Variants in MS4A14 observed in about 807,000 individuals in gnomAD.
MS4A14 encodes membrane spanning 4-domains A14.
MS4A14 carries 18 observed loss-of-function variants against 16.7 expected under a neutral mutation model. The observed-to-expected ratio is 1.08, with a 90% CI of 0.75 to 1.60. The LOEUF (loss-of-function observed/expected upper bound fraction) is 1.60, where lower values mean the gene tolerates loss of function less well. MS4A14 is among the 40% of genes most tolerant of loss of function. The pLI is 0.00. For synonymous variants in MS4A14, 305 were observed against 289.4 expected, an observed-to-expected ratio of 1.05 and a Z score of -0.55; for missense variants, 812 against 775.3, an observed-to-expected ratio of 1.05 and a Z score of -0.56.
intron 3 of MS4A14, among the ~76,000 whole-genome samples, chr11:60,402,022 C>G (rs1251783075): frequency 6.6e-6 from 1 of 152,102 alleles, no homozygotes; most frequent in Non-Finnish European, 1.5e-5. Flanking sequence ...AATAAAGGTA[C>G]AGCAAATACC....
chr11:60,407,559 G>A (rs996886614), intron 4 of MS4A14, among the ~76,000 whole-genome samples: 18 of 152,066 alleles, frequency 1.2e-4, no homozygotes, highest in Non-Finnish European at 2.6e-4. Context: ...TGTGTGAGAG[G>A]GACAGTTGCT....
At chr11:60,396,812 G>A (rs2085630669) in intron 1 of MS4A14, 96 bp downstream of exon 1, 1 of 1,290,486 alleles carries the variant, frequency 7.7e-7, no homozygotes, top group Admixed American at 2.8e-5. Context: ...TTATTTTCAG[G>A]GAGGGAGTTA....
chr11:60,416,431 T>TA lies in MS4A14; in HGVS notation c.1466dup (p.Asn489LysfsTer62). On this transcript the variant is annotated frameshift_variant, in exon 5 of 5. Coordinates refer to ENST00000300187, the MANE Select transcript of MS4A14 (RefSeq NM_032597.5). LOFTEE classifies it low-confidence loss of function (END_TRUNC). ...AGAAAATCCTCAAGACGGCATTCCT[T>TA]AAACCAGCAAACCAAAGCCTTGCAA... 1 of 1,613,932 alleles carries TA rather than the reference T, an allele frequency of 6.2e-7. No individual in the cohort carries two copies. Among genetic ancestry groups the TA allele is most frequent in the East Asian group, 2.2e-5 (1 of 44,858 alleles).
chr11:60,398,954 G>A (rs984851718), intron 2 of MS4A14, among the ~76,000 whole-genome samples: 1 of 152,136 alleles, frequency 6.6e-6, no homozygotes, highest in East Asian at 1.9e-4. Flanking sequence ...GTGACTTTGT[G>A]TACTCTGCAT....
chr11:60,398,450 A>G (rs2085662459), intron 2 of MS4A14, among the ~76,000 whole-genome samples: 1 of 152,202 alleles, frequency 6.6e-6, no homozygotes, highest in South Asian at 2.1e-4. Context: ...AGATAATCAT[A>G]TAGCCATAAA....
Position 60,396,536 on chromosome 11 carries a change from T to C in MS4A14, c.-43T>C. ...AGGTAGATCATGATTTGGGCGGCAA[T>C]GTTTGCTCACTCTTTCCCTTACTAG... On this transcript the variant is annotated 5_prime_UTR_variant, in exon 1 of 5. An upstream start codon of the reference 5' UTR is lost. Transcript: ENST00000300187. The C allele has an allele frequency of 1.2e-6, 2 of 1,600,436 alleles. No homozygotes were observed. The highest frequency in any genetic ancestry group is 1.7e-6 in the Non-Finnish European group (2 of 1,173,398).
chr11:60,417,089 G>C lies in MS4A14; in HGVS notation c.*81G>C. ...GCACTGGCAAACACAGGATCTATTA[G>C]AGAAAGAAGCCCTAAAGCAGAAAGC... On this transcript the variant is annotated 3_prime_UTR_variant, in exon 5 of 5. Transcript: ENST00000300187. 2 of 1,502,390 alleles carry C rather than the reference G, an allele frequency of 1.3e-6. No individual in the cohort carries two copies. Among genetic ancestry groups the C allele is most frequent in the Non-Finnish European group, 1.8e-6 (2 of 1,128,864 alleles). 93.1% of individuals were successfully genotyped at this position (1,502,390 alleles called of 1,614,324 possible).
rs2085623048 is a variant in MS4A14, at chr11:60,396,546, C to T, written c.-33C>T. ...TGATTTGGGCGGCAATGTTTGCTCA[C>T]TCTTTCCCTTACTAGAGTTCTGCCA... On this transcript the variant is annotated 5_prime_UTR_variant, in exon 1 of 5. Coordinates refer to ENST00000300187, the MANE Select transcript of MS4A14 (RefSeq NM_032597.5). 6.2e-7 allele frequency: 1 copy of T among 1,607,148 alleles called. No homozygotes were observed. The highest frequency in any genetic ancestry group is 8.5e-7 in the Non-Finnish European group (1 of 1,176,598).
rs925673784 is a variant in MS4A14, at chr11:60,416,283, G to T, written c.1315G>T (p.Asp439Tyr). Residue 439 changes from aspartate (D) to tyrosine (Y), a missense_variant, in exon 5 of 5, where the codon GAT (aspartate) becomes TAT (tyrosine). Transcript: ENST00000300187. ...ACAACACCTACTTCAGCAGCCCCCA[G>T]ATCTTCAACCAGAAAACACTGAACC... ...EIQHLLQQPP[D>Y]LQPENTEPQN... 3.1e-6 allele frequency: 5 copies of T among 1,613,810 alleles called. No individual in the cohort carries two copies. The African/African-American group carries it at 5.3e-5, about 17-fold the overall frequency.
In MS4A14 at chr11:60,403,048, G is replaced by A; in HGVS notation, c.455G>A (p.Arg152Lys). 1 of 1,613,570 alleles carries A rather than the reference G, an allele frequency of 6.2e-7. No homozygotes were observed. The highest frequency in any genetic ancestry group is 1.7e-5 in the Admixed American group (1 of 60,008). ...TTTGAAGAAATATGTGTTTTCAGTA[G>A]AACTCTTTTCATTGTAAGTGGTCTT... ...PSFEEICVFS[R>K]TLFIVLFFLP... The change falls in exon 4 of 5, where the codon AGA (arginine) becomes AAA (lysine). Residue 152 changes from arginine (R) to lysine (K), a missense_variant. Transcript: ENST00000300187.
chr11:60,402,742 C>A (rs1164633907), intron 3 of MS4A14, among the ~76,000 whole-genome samples, 170 bp from the exon 4 acceptor site: 1 of 152,178 alleles, frequency 6.6e-6, no homozygotes, highest in African/African-American at 2.4e-5. Context: ...TGTCTTCTGA[C>A]TTTAATGAGT....
chr11:60,407,006 CTTTTTTTTT>C (rs71036579), intron 4 of MS4A14, among the ~76,000 whole-genome samples: 1 of 74,592 alleles, frequency 1.3e-5, no homozygotes, highest in South Asian at 6.3e-4. Context: ...ATCAATTTAC[CTTTTTTTTT>C]TTTTTTTTTT....
Position 60,416,031 on chromosome 11 carries a change from C to T in MS4A14, c.1063C>T (p.Leu355=). The change falls in exon 5 of 5, where the codon CTG becomes TTG. Residue 355 remains leucine (L), a synonymous_variant. Transcript: ENST00000300187. ...KQSSNLTAND[L]PPQGILSQDT... ...GTCTTCTAATCTGACAGCTAATGAC[C>T]TGCCCCCTCAAGGCATACTATCCCA... 6 of 1,613,792 alleles carry T rather than the reference C, an allele frequency of 3.7e-6. No individual in the cohort carries two copies. Among genetic ancestry groups the T allele is most frequent in the Non-Finnish European group, 5.1e-6 (6 of 1,179,942 alleles).
chr11:60,405,881 A>G, intron 4 of MS4A14: 10 of 1,518,952 alleles, frequency 6.6e-6, no homozygotes, highest in Non-Finnish European at 8.0e-6. Flanking sequence ...TCTCCTCATT[A>G]TTTGCAGGGA....
chr11:60,398,155 GT>G, intron 2 of MS4A14, 175 bp downstream of exon 2: 1 of 549,832 alleles, frequency 1.8e-6, no homozygotes, highest in Admixed American at 3.4e-5. Flanking sequence ...CATCATCATT[GT>G]AATAACTACT....
intron 4 of MS4A14, among the ~76,000 whole-genome samples, chr11:60,413,114 G>A (rs1046843535): frequency 6.6e-6 from 1 of 151,670 alleles, no homozygotes; most frequent in African/African-American, 2.4e-5. Context: ...ATTGTACATG[G>A]TATTTTTAAT....
rs554092578 is a variant in MS4A14 at position 60,401,717 on chromosome 11, A to G, written c.319-1195A>G. On this transcript the variant is annotated intron_variant, in intron 3 of 4. Coordinates refer to ENST00000300187, the MANE Select transcript of MS4A14 (RefSeq NM_032597.5). The stretch of plus-strand genomic sequence containing the variant: ...CTGGGCATGTTCTTTGTAAAGCCCA[A>G]TACACATGAGGGATTGATTATCTAG... 4.6e-5 allele frequency among the ~76,000 whole-genome samples: 7 copies of G among 152,336 alleles called. No individual in the cohort carries two copies. The East Asian group carries it at 1.3e-3, about 29-fold the overall frequency.
Position 60,416,695 on chromosome 11 carries a change from A to G in MS4A14, c.1727A>G (p.Tyr576Cys), listed in dbSNP as rs200738251. 6.2e-7 allele frequency: 1 copy of G among 1,613,788 alleles called. No individual in the cohort carries two copies. The highest frequency in any genetic ancestry group is 2.2e-5 in the East Asian group (1 of 44,812). Reference sequence around the variant, plus strand: ...GATCAGCAAGCCAAAGGGGAACAATACCCAGAAGGACAATCTAAAGATGGA... The same window carrying G: ...GATCAGCAAGCCAAAGGGGAACAATGCCCAGAAGGACAATCTAAAGATGGA... The part of the protein sequence containing the change: ...AEDQQAKGEQ[Y>C]PEGQSKDGQV... Residue 576 changes from tyrosine to cysteine, a missense_variant, in exon 5 of 5, where the codon TAC becomes TGC. Tyr to Cys is a radical substitution (Grantham distance 194, BLOSUM62 -2). Coordinates refer to ENST00000300187, the MANE Select transcript of MS4A14 (RefSeq NM_032597.5).
Position 60,416,633 on chromosome 11 carries a change from T to C in MS4A14, c.1665T>C (p.Asn555=), listed in dbSNP as rs773520137. 3.7e-6 allele frequency: 6 copies of C among 1,613,506 alleles called. No homozygotes were observed. In the East Asian group the frequency reaches 8.9e-5, roughly 24 times the overall value. The change falls in exon 5 of 5, where the codon AAT becomes AAC. Residue 555 remains asparagine, a synonymous_variant. Coordinates refer to ENST00000300187, the MANE Select transcript of MS4A14 (RefSeq NM_032597.5). The part of the protein sequence containing the change: ...RHSVDKQAQL[N]QTKEQLPDQQ... ...CCGTAGATAAGCAAGCTCAACTTAATCAAACTAAAGAGCAACTCCCAGATC... is the reference window on the plus strand; with the variant it reads ...CCGTAGATAAGCAAGCTCAACTTAACCAAACTAAAGAGCAACTCCCAGATC...
Sources: allele counts gnomAD v4.1 joint callset (sites outside exome capture counted in the v4.1 genomes callset), GRCh38; gene constraint gnomAD v4.1.1; transcripts MANE v1.5; gene names NCBI Gene and HGNC (gene_info 2026-07-23, HGNC 2026-07-21).